The following SYNPR variants were observed in gnomAD, a reference collection of about 807,000 sequenced individuals.
The protein encoded by SYNPR is synaptoporin.
SYNPR carries 23 observed loss-of-function variants against 32.9 expected under a neutral mutation model. The ratio of observed to expected loss-of-function variants is 0.70; its 90% CI spans 0.50 to 0.99. The LOEUF (loss-of-function observed/expected upper bound fraction) is 0.99. Among genes scored for constraint, SYNPR ranks in the 50% least tolerant of loss-of-function variants. The probability of loss-of-function intolerance (pLI) is 0.00; values close to 1 mark genes in which losing one functional copy is unlikely to be tolerated. For synonymous variants in SYNPR, 146 were observed against 135.9 expected (o/e 1.07, Z -0.52); for missense variants, 318 against 349.3 (o/e 0.91, Z 0.71).
chr3:63,406,318 A>T (rs1171962063), intron 2 of SYNPR, among the ~76,000 whole-genome samples: 1 of 152,160 alleles, frequency 6.6e-6, no homozygotes, highest in African/African-American at 2.4e-5. Flanking sequence ...TGGGGTAAGA[A>T]ATGTAAAAAA....
chr3:63,337,850 G>T (rs1161711759), intron 2 of SYNPR, among the ~76,000 whole-genome samples: 5 of 152,158 alleles, frequency 3.3e-5, no homozygotes, highest in Middle Eastern at 3.4e-3. Context: ...GGTTGCCAGA[G>T]GTTAATGGAA....
At chr3:63,436,468 T>C (rs909474217) in intron 2 of SYNPR, among the ~76,000 whole-genome samples, 1 of 151,910 alleles carries the variant, frequency 6.6e-6, no homozygotes, top group African/African-American at 2.4e-5. Context: ...TTGCTAAGAA[T>C]GATGGTTTTA....
At chr3:63,276,084 CA>C (rs557492089), upstream of SYNPR, among the ~76,000 whole-genome samples, 208 of 152,298 alleles carry the variant, frequency 1.4e-3, 1 homozygote, top group African/African-American at 4.9e-3. Flanking sequence ...CTGCCTATGT[CA>C]TCCTTACACT....
At chr3:63,368,517 C>T (rs150867220) in intron 2 of SYNPR, among the ~76,000 whole-genome samples, 1 of 152,056 alleles carries the variant, frequency 6.6e-6, no homozygotes, top group East Asian at 1.9e-4. Context: ...GTGAAAAAGG[C>T]GATGATTGAG....
At chr3:63,227,950 A>G (rs1487347885), upstream of SYNPR, among the ~76,000 whole-genome samples, 2 of 152,176 alleles carry the variant, frequency 1.3e-5, no homozygotes, top group East Asian at 1.9e-4. Context: ...TGGACAGTCA[A>G]CCAGCAGCAT....
chr3:63,406,356 T>TA (rs2088359465), intron 2 of SYNPR, among the ~76,000 whole-genome samples: 2 of 152,162 alleles, frequency 1.3e-5, no homozygotes, highest in Non-Finnish European at 1.5e-5. Flanking sequence ...AATGAACACT[T>TA]AAGCATGGGC....
intron 2 of SYNPR, among the ~76,000 whole-genome samples, chr3:63,420,348 G>A (rs1398232264): frequency 6.6e-6 from 1 of 152,082 alleles, no homozygotes. Context: ...AAAACAGCAA[G>A]GTATTGGTAT....
chr3:63,376,541 G>A (rs896065733), intron 2 of SYNPR, among the ~76,000 whole-genome samples: 1 of 152,000 alleles, frequency 6.6e-6, no homozygotes, highest in Non-Finnish European at 1.5e-5. Context: ...AGGGGCAAAA[G>A]CTTCTACCCC....
chr3:63,340,863 G>A (rs1413821645), intron 2 of SYNPR, among the ~76,000 whole-genome samples: 1 of 152,094 alleles, frequency 6.6e-6, no homozygotes, highest in African/African-American at 2.4e-5. Flanking sequence ...TAATTGATAA[G>A]CAATATCAAT....
At chr3:63,452,156 G>T (rs769624205) in intron 2 of SYNPR, 8 of 700,190 alleles carry the variant, frequency 1.1e-5, no homozygotes, top group Non-Finnish European at 2.1e-5. Flanking sequence ...TCATTTGTTC[G>T]TATGTTCATT....
In SYNPR at chr3:63,616,518, T is replaced by C. The variant is rs1318602697; in HGVS notation, c.*1037T>C. 6.5e-6 allele frequency: 1 copy of C among 152,672 alleles called. No homozygotes were observed. The highest frequency in any genetic ancestry group is 1.5e-5 in the Non-Finnish European group (1 of 68,040). The allele number at this position is 152,672 out of a possible 1,614,324, so 9.5% of individuals were successfully genotyped here. The stretch of plus-strand genomic sequence containing the variant: ...TTTGTAAAGCTAATATGCTCCTCAA[T>C]GTAATTATTAAAAATTCTCAAGTCA... On this transcript the variant is annotated 3_prime_UTR_variant, in exon 6 of 6. Transcript: ENST00000478300.
intron 2 of SYNPR, among the ~76,000 whole-genome samples, chr3:63,479,748 A>G (rs1701008711): frequency 6.6e-6 from 1 of 152,234 alleles, no homozygotes; most frequent in Non-Finnish European, 1.5e-5. Context: ...ATGACCCAGA[A>G]GAGTTAACAT....
At chr3:63,261,766 C>G (rs1325740177) in intron 2 of SYNPR, among the ~76,000 whole-genome samples, 2 of 149,108 alleles carry the variant, frequency 1.3e-5, no homozygotes, top group East Asian at 4.0e-4. Flanking sequence ...TCTGAGCAAA[C>G]TATCGCAAGG....
At chr3:63,542,524 G>A (rs1002349083) in intron 3 of SYNPR, among the ~76,000 whole-genome samples, 2 of 152,178 alleles carry the variant, frequency 1.3e-5, no homozygotes, top group Non-Finnish European at 2.9e-5. Flanking sequence ...GTCTAAGTCT[G>A]ACCTCTATTT....
At chr3:63,330,342 C>T (rs2087214681) in intron 2 of SYNPR, 1 of 152,062 alleles carries the variant, frequency 6.6e-6, no homozygotes, top group Admixed American at 6.6e-5. Flanking sequence ...AGGAAAATAA[C>T]ACTACCACCA....
At chr3:63,446,854 C>A (rs1022946466) in intron 2 of SYNPR, among the ~76,000 whole-genome samples, 50 of 152,140 alleles carry the variant, frequency 3.3e-4, no homozygotes, top group African/African-American at 1.2e-3. Context: ...GTGTGATCTG[C>A]TGTGTCTAAT....
chr3:63,334,970 T>G lies in SYNPR; in HGVS notation c.84+56228T>G, dbSNP rs541956589. On this transcript the variant is annotated intron_variant, in intron 2 of 5. Coordinates refer to ENST00000478300, the MANE Select transcript of SYNPR (RefSeq NM_001130003.2). ...CATGCACCCTGCACTGTGTGGTCTC[T>G]GGGCTACAGCTCTGTTCTCTGGGGT... Among the ~76,000 whole-genome samples, 15 of 152,294 alleles carry G rather than the reference T, an allele frequency of 9.8e-5. No individual in the cohort carries two copies. The South Asian group carries it at 2.3e-3, about 23-fold the overall frequency.
At chr3:63,300,107 G>A (rs2106940265) in intron 2 of SYNPR, among the ~76,000 whole-genome samples, 1 of 152,156 alleles carries the variant, frequency 6.6e-6, no homozygotes, top group African/African-American at 2.4e-5. Context: ...TTTTGATAAT[G>A]GTTCCAAGCT....
At chr3:63,409,923 G>A (rs1274256885) in intron 2 of SYNPR, among the ~76,000 whole-genome samples, 1 of 152,086 alleles carries the variant, frequency 6.6e-6, no homozygotes, top group Non-Finnish European at 1.5e-5. Context: ...CACAATTCGT[G>A]TTCTCTTTCC....
Sources: gnomAD v4.1 joint callset for allele counts (sites outside exome capture counted in the v4.1 genomes callset) on GRCh38, gnomAD v4.1.1 for gene constraint, MANE v1.5 for transcripts, NCBI Gene and HGNC (gene_info 2026-07-23, HGNC 2026-07-21) for gene names.